Variants in DENND1C observed in about 807,000 individuals in gnomAD.
The protein encoded by DENND1C is DENN domain-containing protein 1C.
A neutral mutation model predicts 87.9 loss-of-function variants in DENND1C; 64 were observed. The observed-to-expected ratio is 0.73, with a 90% CI of 0.60 to 0.90. The LOEUF is 0.90. Among genes scored for constraint, DENND1C ranks in the 40% least tolerant of loss-of-function variants. DENND1C has a pLI of 0.00. For missense variants in DENND1C, 980 were observed against 1,037.0 expected, an observed-to-expected ratio of 0.95 and a Z score of 0.76; for synonymous variants, 384 against 424.4, an observed-to-expected ratio of 0.90 and a Z score of 1.17.
chr19:6,479,953 C>G (rs1185254449), intron 2 of DENND1C, 34 bp downstream of exon 2: 4 of 1,598,166 alleles, frequency 2.5e-6, no homozygotes, highest in African/African-American at 2.7e-5. Flanking sequence ...CCACCCTCCC[C>G]TCCCACTCCC....
rs752095253 is a variant in DENND1C, at chr19:6,467,533, C to T, written c.2377G>A (p.Ala793Thr). ...KSQPSSRPRV[A>T]DLKKCFEG The stretch of plus-strand genomic sequence containing the variant: ...CCCTCAAAGCACTTCTTAAGATCAG[C>T]GACTCTGGGCCGGCTGCTGGGCTGG... The change falls in exon 23 of 23, where the codon GCT becomes ACT. Residue 793 changes from alanine (A) to threonine (T), a missense_variant. Coordinates refer to ENST00000381480, the MANE Select transcript of DENND1C (RefSeq NM_024898.4). The T allele has an allele frequency of 1.7e-5, 27 of 1,606,706 alleles. No homozygotes were observed. In the East Asian group the frequency reaches 3.4e-4, roughly 20 times the overall value.
intron 13 of DENND1C, 38 bp downstream of exon 13, chr19:6,475,446 G>T (rs776628234): frequency 3.1e-6 from 5 of 1,613,286 alleles, no homozygotes; most frequent in East Asian, 2.2e-5. Context: ...TGGGCCCCTC[G>T]CCTCCCGGGG....
intron 17 of DENND1C, 134 bp from the exon 18 acceptor site, chr19:6,470,500 C>T (rs760994838): frequency 7.1e-5 from 58 of 813,900 alleles, no homozygotes; most frequent in Admixed American, 6.5e-4. Flanking sequence ...TGAACATGAT[C>T]GTAGTCATGA....
intron 6 of DENND1C, among the ~76,000 whole-genome samples, chr19:6,478,022 G>C (rs1462186034): frequency 1.3e-5 from 2 of 151,888 alleles, no homozygotes; most frequent in African/African-American, 4.8e-5. Flanking sequence ...TTGCAGTGAG[G>C]CGGAATCGCA....
At chr19:6,469,838 G>A in intron 18 of DENND1C, 198 bp from the exon 19 acceptor site, 4 of 589,444 alleles carry the variant, frequency 6.8e-6, no homozygotes, top group Non-Finnish European at 1.2e-5. Context: ...TATTCCTGGA[G>A]GCAGTCATCC....
In DENND1C at chr19:6,475,198, T is replaced by G. The variant is rs542921322; in HGVS notation, c.1053+76A>C. The G allele has an allele frequency of 6.1e-3, 9,682 of 1,598,154 alleles. 43 individuals carry two copies. The highest frequency in any genetic ancestry group is 7.7e-3 in the Non-Finnish European group (9,054 of 1,176,222). On this transcript the variant is annotated intron_variant, in intron 14 of 22. Transcript: ENST00000381480. ...AGGCGTGAGCCACTGCGTCCGGCCA[T>G]CTACTGTACCTATCGTTACATTGCG...
rs2092827718 is a variant in DENND1C, at chr19:6,471,286, C to CTGATAGGA, written c.1261_1268dup (p.Gln423HisfsTer10). On this transcript the variant is annotated frameshift_variant, in exon 17 of 23. Coordinates refer to ENST00000381480, the MANE Select transcript of DENND1C (RefSeq NM_024898.4). LOFTEE classifies it high-confidence loss of function. ...TTACCTTTAGATTGTCGGCCCAGAG[C>CTGATAGGA]TGATAGGATCGAAGGGCCCCTGGGG... 6.3e-7 allele frequency: 1 copy of CTGATAGGA among 1,596,470 alleles called. No individual in the cohort carries two copies. The highest frequency in any genetic ancestry group is 1.3e-5 in the African/African-American group (1 of 74,650).
chr19:6,475,354 C>G lies in DENND1C; in HGVS notation c.973G>C (p.Gly325Arg). Residue 325 changes from glycine to arginine, a missense_variant, in exon 14 of 23, where the codon GGG (glycine) becomes CGG (arginine). By Grantham distance (125) the Gly-to-Arg change is moderately radical. Transcript: ENST00000381480. ...LRLRKVALAP[G>R]EGVSRLFLKA... Reference sequence around the variant, plus strand: ...AGGAAGAGACGGGACACCCCTTCCCCGGGGGCCAGGGCGACCTTCCTGAGC... The same window carrying G: ...AGGAAGAGACGGGACACCCCTTCCCGGGGGGCCAGGGCGACCTTCCTGAGC... 1 of 1,612,396 alleles carries G rather than the reference C, an allele frequency of 6.2e-7. No homozygotes were observed. Among genetic ancestry groups the G allele is most frequent in the Non-Finnish European group, 8.5e-7 (1 of 1,179,184 alleles).
In DENND1C at chr19:6,467,662, G is replaced by A. The variant is rs748940532; in HGVS notation, c.2248C>T (p.Arg750Trp). Residue 750 changes from arginine (R) to tryptophan (W), a missense_variant, in exon 23 of 23, where the codon CGG (arginine) becomes TGG (tryptophan). Physicochemically the swap from Arg to Trp is moderately radical, Grantham distance 101. Coordinates refer to ENST00000381480, the MANE Select transcript of DENND1C (RefSeq NM_024898.4). ...TCTGCCAGCAGGGCTTTGGGAGGCC[G>A]GGCTCTGGGGTCCTCCAGAGAACTG... ...DPSSLEDPRA[R>W]PPKALLAERA... 4.8e-5 allele frequency: 74 copies of A among 1,528,634 alleles called. No individual in the cohort carries two copies. Among genetic ancestry groups the A allele is most frequent in the Non-Finnish European group, 6.0e-5 (69 of 1,141,166 alleles). The allele number at this position is 1,528,634 out of a possible 1,614,324, so 94.7% of individuals were successfully genotyped here. A position where few individuals can be genotyped will look rare whatever the true frequency, so the allele number is the denominator to read the frequency against.
intron 10 of DENND1C, chr19:6,476,483 G>A (rs746960125): frequency 6.2e-5 from 13 of 208,874 alleles, no homozygotes; most frequent in Non-Finnish European, 1.2e-4. Context: ...AGGTCCCTGG[G>A]TATTCGGGTC....
chr19:6,476,831 C>T (rs573542622), intron 10 of DENND1C, 26 bp downstream of exon 10: 6 of 1,599,794 alleles, frequency 3.8e-6, no homozygotes, highest in African/African-American at 1.3e-5. Context: ...CCTGCTCCCA[C>T]CCCGGCCCGG....
rs903689246 is a variant in DENND1C, at chr19:6,468,094, C to T, written c.1816G>A (p.Asp606Asn). ...SLPNIPRWQP[D>N]DKKLPEPEPQ... ...TCCGGCTCTGGTAGTTTCTTATCGTCTGGTTGCCATCTTGGTATGTTGGGC... is the reference window on the plus strand; with the variant it reads ...TCCGGCTCTGGTAGTTTCTTATCGTTTGGTTGCCATCTTGGTATGTTGGGC... Residue 606 changes from aspartate to asparagine, a missense_variant, in exon 23 of 23, where the codon GAC becomes AAC. By Grantham distance (23) the Asp-to-Asn change is conservative (BLOSUM62 1). Transcript: ENST00000381480. 1 of 1,613,460 alleles carries T rather than the reference C, an allele frequency of 6.2e-7. No individual in the cohort carries two copies. Among genetic ancestry groups the T allele is most frequent in the African/African-American group, 1.3e-5 (1 of 74,798 alleles).
At position 6,467,892 on chromosome 19, in the gene DENND1C, G is replaced by C; in HGVS notation, c.2018C>G (p.Ser673Cys). ...AAGAATTAGGGGCTCTGTGAGAGGAGAGGGTTTGGGGTCCCCCCAGATGCT... is the reference window on the plus strand; with the variant it reads ...AAGAATTAGGGGCTCTGTGAGAGGACAGGGTTTGGGGTCCCCCCAGATGCT... ...DPSIWGDPKP[S>C]PLTEPLILHL... Residue 673 changes from serine (S) to cysteine (C), a missense_variant, in exon 23 of 23, where the codon TCT (serine) becomes TGT (cysteine). Transcript: ENST00000381480. 1 of 1,612,120 alleles carries C rather than the reference G, an allele frequency of 6.2e-7. No homozygotes were observed. Among genetic ancestry groups the C allele is most frequent in the Middle Eastern group, 1.7e-4 (1 of 6,054 alleles).
rs755385299 is a variant in DENND1C at position 6,475,743 on chromosome 19, A to G, written c.788T>C (p.Met263Thr). 1.3e-6 allele frequency: 2 copies of G among 1,569,170 alleles called. 1 individual carries two copies. Residue 263 changes from methionine to threonine, a missense_variant, in exon 12 of 23, where the codon ATG (methionine) becomes ACG (threonine). Met to Thr is a moderately conservative substitution (Grantham distance 81). Transcript: ENST00000381480. ...PHLLDYCCAP[M>T]PYLIGVHASL... ...GGCGTGCACTCCAATGAGGTAGGGC[A>G]TGGGCGCGCTGCGGACCGAGGGGAC...
chr19:6,470,477 T>C, intron 17 of DENND1C, 111 bp from the exon 18 acceptor site: 1 of 1,071,102 alleles, frequency 9.3e-7, no homozygotes, highest in East Asian at 2.6e-5. Flanking sequence ...CTCCATTTTT[T>C]CACCTCTATA....
chr19:6,473,253 C>T (rs1300218167), intron 14 of DENND1C, among the ~76,000 whole-genome samples: 1 of 152,166 alleles, frequency 6.6e-6, no homozygotes. Flanking sequence ...CTCCAGGGTT[C>T]AAGCGATTCT....
chr19:6,471,440 G>C lies in DENND1C; in HGVS notation c.1215C>G (p.Phe405Leu), dbSNP rs761187263. 2 of 1,585,676 alleles carry C rather than the reference G, an allele frequency of 1.3e-6. No homozygotes were observed. Among genetic ancestry groups the C allele is most frequent in the African/African-American group, 1.3e-5 (1 of 74,202 alleles). ...LNKGEGFSDQ[F>L]EQEITGCGAS... ...CCCCGCAGCCAGTGATCTCCTGCTC[G>C]AATTGATCTGAGAAGCCCTCCCCCT... is the stretch of plus-strand genomic sequence containing the variant. Residue 405 changes from phenylalanine to leucine, a missense_variant, in exon 16 of 23, where the codon TTC (phenylalanine) becomes TTG (leucine). Phe to Leu is a conservative substitution (Grantham distance 22). Coordinates refer to ENST00000381480, the MANE Select transcript of DENND1C (RefSeq NM_024898.4).
chr19:6,477,189 A>G, intron 8 of DENND1C, 29 bp downstream of exon 8: 1 of 1,589,256 alleles, frequency 6.3e-7, no homozygotes, highest in Non-Finnish European at 8.6e-7. Flanking sequence ...TGGACCCCCG[A>G]CCTTCCAGGG....
chr19:6,469,026 T>C, intron 19 of DENND1C, 73 bp from the exon 20 acceptor site: 2 of 902,750 alleles, frequency 2.2e-6, no homozygotes, highest in Non-Finnish European at 2.9e-6. Context: ...TGGTCTTTAG[T>C]TAGTCTTTTT....
Sources: allele counts gnomAD v4.1 joint callset (sites outside exome capture counted in the v4.1 genomes callset), GRCh38; gene constraint gnomAD v4.1.1; transcripts MANE v1.5; gene names NCBI Gene and HGNC (gene_info 2026-07-23, HGNC 2026-07-21).